AOPEP: variants seen among roughly 807,000 people sequenced by gnomAD.
AOPEP encodes the protein aminopeptidase O (putative).
AOPEP carries 77 observed loss-of-function variants against 98.1 expected under a neutral mutation model. That is an observed-to-expected ratio of 0.78 (90% CI 0.65 to 0.95). AOPEP has a LOEUF of 0.95. Among genes scored for constraint, AOPEP ranks in the 40% least tolerant of loss-of-function variants. The pLI, the probability that AOPEP is intolerant of heterozygous loss-of-function variation, is 0.00. For missense variants in AOPEP, 1,024 were observed against 1,024.7 expected (o/e 1.00, Z 0.01); for synonymous variants, 346 against 365.3 (o/e 0.95, Z 0.60).
At chr9:94,777,145 A>G (rs1025485142) in intron 3 of AOPEP, among the ~76,000 whole-genome samples, 1 of 152,136 alleles carries the variant, frequency 6.6e-6, no homozygotes, top group Non-Finnish European at 1.5e-5. Flanking sequence ...ACAGAAAACT[A>G]ATGTTAAGGC....
chr9:94,936,864 C>T (rs533389346), intron 7 of AOPEP, among the ~76,000 whole-genome samples: 1 of 152,300 alleles, frequency 6.6e-6, no homozygotes, highest in African/African-American at 2.4e-5. Flanking sequence ...GGGAAACACT[C>T]ACATTTACTC....
At chr9:94,763,483 A>AGT (rs141329951) in intron 2 of AOPEP, 89 of 172,492 alleles carry the variant, frequency 5.2e-4, no homozygotes, top group Middle Eastern at 2.9e-3. Context: ...TCCAAGGGTT[A>AGT]GTGTGTGTGT....
intron 9 of AOPEP, among the ~76,000 whole-genome samples, chr9:94,961,611 T>C (rs1357488724): frequency 6.6e-6 from 1 of 152,228 alleles, no homozygotes; most frequent in African/African-American, 2.4e-5. Context: ...ATTTATTACC[T>C]TTGCCATGAA....
intron 13 of AOPEP, among the ~76,000 whole-genome samples, chr9:95,027,096 A>G (rs1417478712): frequency 1.3e-5 from 2 of 152,046 alleles, no homozygotes; most frequent in Admixed American, 6.6e-5. Flanking sequence ...CCCCATCTCT[A>G]TAAAAAAATA....
At chr9:95,084,550 C>T (rs1186116052) in intron 16 of AOPEP, among the ~76,000 whole-genome samples, 3 of 152,152 alleles carry the variant, frequency 2.0e-5, no homozygotes, top group Admixed American at 6.5e-5. Context: ...TATTTCGTGG[C>T]GTACGTGTTA....
chr9:95,080,933 T>A (rs1029193046), intron 15 of AOPEP, 153 bp downstream of exon 15: 1 of 638,518 alleles, frequency 1.6e-6, no homozygotes, highest in Non-Finnish European at 2.8e-6. Context: ...AACACTGATT[T>A]TTCTGAGCTG....
At chr9:95,136,339 C>T in the AOPEP span, among the ~76,000 whole-genome samples, 1 of 152,060 alleles carries the variant, frequency 6.6e-6, no homozygotes, top group East Asian at 1.9e-4. Context: ...GCTGTGTTCA[C>T]GTCACTGCAC....
chr9:94,929,601 G>C lies in AOPEP; in HGVS notation c.1661+1070G>C, dbSNP rs72750307. Among the ~76,000 whole-genome samples the C allele has an allele frequency of 5.3e-3, 803 of 152,364 alleles. 14 individuals are homozygous for C. Among genetic ancestry groups the C allele is most frequent in the East Asian group, 0.044 (226 of 5,180 alleles). ...AGCGGAGGGAAGTGGAGCGGGCCAG[G>C]AGCCAGGAGACCTGTGTTCCCGCCC... is the stretch of plus-strand genomic sequence containing the variant. On this transcript the variant is annotated intron_variant, in intron 7 of 16. Transcript: ENST00000375315.
At chr9:94,987,263 G>T (rs1053604904) in intron 11 of AOPEP, among the ~76,000 whole-genome samples, 1 of 152,256 alleles carries the variant, frequency 6.6e-6, no homozygotes, top group Non-Finnish European at 1.5e-5. Context: ...TCAGAAGAAA[G>T]GCCATTTTGA....
chr9:94,837,497 A>G (rs1461758186), intron 5 of AOPEP, among the ~76,000 whole-genome samples: 2 of 152,256 alleles, frequency 1.3e-5, no homozygotes, highest in Non-Finnish European at 2.9e-5. Flanking sequence ...GAACATAGAT[A>G]GAAAAATCCT....
At chr9:94,767,825 C>T (rs943665180) in intron 2 of AOPEP, among the ~76,000 whole-genome samples, 5 of 152,166 alleles carry the variant, frequency 3.3e-5, no homozygotes, top group Non-Finnish European at 7.3e-5. Context: ...TCTCCCTGGA[C>T]CTGCCATGTA....
chr9:95,092,056 C>CTGTG (rs112458654), downstream of AOPEP, among the ~76,000 whole-genome samples: 1,841 of 149,306 alleles, frequency 0.012, 35 homozygotes, highest in African/African-American at 0.041. Flanking sequence ...CTGTTGAAGG[C>CTGTG]TGTGTGTGTG....
intron 9 of AOPEP, among the ~76,000 whole-genome samples, chr9:94,965,744 A>G (rs2059148421): frequency 6.6e-6 from 1 of 152,060 alleles, no homozygotes; most frequent in Non-Finnish European, 1.5e-5. Context: ...ACTTGGTTCT[A>G]TTGGGAGGCT....
At chr9:95,008,278 A>T (rs1226783894) in intron 13 of AOPEP, among the ~76,000 whole-genome samples, 1 of 152,154 alleles carries the variant, frequency 6.6e-6, no homozygotes, top group African/African-American at 2.4e-5. Flanking sequence ...AAATTCGGTG[A>T]AGTCATCTGT....
chr9:95,044,043 G>A (rs886981006), intron 13 of AOPEP, among the ~76,000 whole-genome samples: 2 of 152,194 alleles, frequency 1.3e-5, no homozygotes, highest in Non-Finnish European at 2.9e-5. Context: ...CCATTGCAAA[G>A]TCAACTGAGA....
intron 13 of AOPEP, among the ~76,000 whole-genome samples, chr9:95,041,572 A>T (rs552691413): frequency 6.6e-6 from 1 of 151,978 alleles, no homozygotes; most frequent in Non-Finnish European, 1.5e-5. Context: ...CACTTAATGA[A>T]GACTTCAGCC....
intron 13 of AOPEP, among the ~76,000 whole-genome samples, chr9:95,023,329 G>A (rs146614576): frequency 5.0e-4 from 76 of 152,316 alleles, no homozygotes; most frequent in Middle Eastern, 3.4e-3. Flanking sequence ...TCAGCGTGGC[G>A]GATGTGGGCC....
rs146617631 is a variant in AOPEP at position 95,076,138 on chromosome 9, T to A, written c.2233-4556T>A. Reference sequence around the variant, plus strand: ...ATTAGTCCCTTCCTCAAGTTCTCTCTTAATTAAAAACTAAAGGACCTCATG... The same window carrying A: ...ATTAGTCCCTTCCTCAAGTTCTCTCATAATTAAAAACTAAAGGACCTCATG... On this transcript the variant is annotated intron_variant, in intron 14 of 16. Coordinates refer to ENST00000375315, the MANE Select transcript of AOPEP (RefSeq NM_001193329.3). Among the ~76,000 whole-genome samples, 1,177 of 152,332 alleles carry A rather than the reference T, an allele frequency of 7.7e-3. 21 individuals carry two copies. The highest frequency in any genetic ancestry group is 0.027 in the African/African-American group (1,120 of 41,564).
intron 13 of AOPEP, among the ~76,000 whole-genome samples, chr9:95,059,706 T>C (rs1344408886): frequency 6.6e-6 from 1 of 152,160 alleles, no homozygotes; most frequent in Non-Finnish European, 1.5e-5. Flanking sequence ...TGATATCAGC[T>C]TCCAGACCTG....
Sources: gnomAD v4.1 joint callset for allele counts (sites outside exome capture counted in the v4.1 genomes callset) on GRCh38, gnomAD v4.1.1 for gene constraint, MANE v1.5 for transcripts, NCBI Gene and HGNC (gene_info 2026-07-23, HGNC 2026-07-21) for gene names.